Variants in HS3ST4 observed in about 807,000 individuals in gnomAD.
The protein encoded by HS3ST4 is heparan sulfate glucosamine 3-O-sulfotransferase 4.
A neutral mutation model predicts 29.2 loss-of-function variants in HS3ST4; 17 were observed. The observed-to-expected ratio is 0.58, with a 90% CI of 0.40 to 0.87. The LOEUF is 0.87. Ranked by LOEUF, HS3ST4 falls within the 40% of genes least tolerant of loss-of-function variation. The pLI, the probability that HS3ST4 is intolerant of heterozygous loss-of-function variation, is 0.00. For synonymous variants in HS3ST4, 314 were observed against 285.7 expected, an observed-to-expected ratio of 1.10 and a Z score of -1.00; for missense variants, 627 against 634.5, an observed-to-expected ratio of 0.99 and a Z score of 0.13.
intron 1 of HS3ST4, among the ~76,000 whole-genome samples, chr16:25,737,709 A>G (rs1204678884): frequency 6.6e-6 from 1 of 152,158 alleles, no homozygotes; most frequent in Non-Finnish European, 1.5e-5. Flanking sequence ...ATGTAACACA[A>G]CTGTACTTGT....
chr16:25,957,579 C>G (rs983542281), intron 1 of HS3ST4, among the ~76,000 whole-genome samples: 1 of 152,220 alleles, frequency 6.6e-6, no homozygotes, highest in East Asian at 1.9e-4. Flanking sequence ...CACCACTCAC[C>G]GCTAATTTTT....
intron 1 of HS3ST4, among the ~76,000 whole-genome samples, chr16:25,968,933 C>T (rs765585310): frequency 7.9e-5 from 12 of 152,164 alleles, no homozygotes; most frequent in Admixed American, 2.6e-4. Flanking sequence ...AATTCTCCTG[C>T]GTCAACCTCC....
chr16:25,773,672 A>T (rs1439654154), intron 1 of HS3ST4, among the ~76,000 whole-genome samples: 1 of 152,216 alleles, frequency 6.6e-6, no homozygotes, highest in African/African-American at 2.4e-5. Context: ...CAGTAGCTTT[A>T]GGGATAAAAG....
intron 1 of HS3ST4, among the ~76,000 whole-genome samples, chr16:25,975,245 A>G (rs923999827): frequency 6.6e-6 from 1 of 151,348 alleles, no homozygotes; most frequent in Non-Finnish European, 1.5e-5. Flanking sequence ...AACATTGGGT[A>G]TACATGGACA....
At chr16:26,068,576 C>T (rs555402686) in intron 1 of HS3ST4, among the ~76,000 whole-genome samples, 4 of 152,230 alleles carry the variant, frequency 2.6e-5, no homozygotes, top group African/African-American at 7.2e-5. Flanking sequence ...TAAACTTCCC[C>T]TCTCCATTCA....
At chr16:25,700,992 A>G (rs1369959459) in intron 1 of HS3ST4, among the ~76,000 whole-genome samples, 3 of 152,244 alleles carry the variant, frequency 2.0e-5, no homozygotes, top group Non-Finnish European at 2.9e-5. Flanking sequence ...ATTGTAAACA[A>G]CAAAAGACAT....
intron 1 of HS3ST4, among the ~76,000 whole-genome samples, chr16:26,042,324 A>G (rs562842684): frequency 3.9e-5 from 6 of 152,000 alleles, no homozygotes; most frequent in Middle Eastern, 3.2e-3. Context: ...TTAACCACCT[A>G]CATAATAAAA....
intron 1 of HS3ST4, among the ~76,000 whole-genome samples, chr16:26,000,126 G>A (rs565701164): frequency 1.2e-3 from 187 of 151,862 alleles, no homozygotes; most frequent in African/African-American, 4.2e-3. Flanking sequence ...CTTGCAATTT[G>A]TGATACGTAG....
intron 1 of HS3ST4, among the ~76,000 whole-genome samples, chr16:25,880,902 T>C (rs1351200683): frequency 6.6e-6 from 1 of 152,190 alleles, no homozygotes; most frequent in Non-Finnish European, 1.5e-5. Flanking sequence ...TCAGTGGTTT[T>C]GTGGGAGGAT....
At chr16:25,989,254 C>T (rs1293681528) in intron 1 of HS3ST4, among the ~76,000 whole-genome samples, 3 of 152,160 alleles carry the variant, frequency 2.0e-5, no homozygotes, top group Non-Finnish European at 2.9e-5. Context: ...ATGGAGAAAC[C>T]TTTAAAATAC....
At chr16:25,754,633 A>T (rs1471516077) in intron 1 of HS3ST4, among the ~76,000 whole-genome samples, 1 of 152,168 alleles carries the variant, frequency 6.6e-6, no homozygotes, top group Non-Finnish European at 1.5e-5. Flanking sequence ...GCACTTCTTC[A>T]TAGGGTGGCA....
intron 1 of HS3ST4, among the ~76,000 whole-genome samples, chr16:25,950,256 C>T (rs909169783): frequency 1.3e-5 from 2 of 152,192 alleles, no homozygotes; most frequent in Middle Eastern, 3.4e-3. Context: ...GGGTCTTCAT[C>T]TGCCTTCTTT....
At chr16:25,733,690 C>G (rs567368427) in intron 1 of HS3ST4, among the ~76,000 whole-genome samples, 4 of 151,916 alleles carry the variant, frequency 2.6e-5, no homozygotes, top group Non-Finnish European at 1.5e-5. Context: ...ATCTGGGGGG[C>G]GGGGGGAAAC....
At position 25,828,242 on chromosome 16, in the gene HS3ST4, C is replaced by CTTTTTCTT. The variant is rs1371928058; in HGVS notation, c.734+135092_734+135093insTTTTCTTT. The stretch of plus-strand genomic sequence containing the variant: ...CTTTCCTTTCTTTCTTTCTTTCTTT[C>CTTTTTCTT]TCTTTCTTTCTTTCTTTCTTTCTTT... On this transcript the variant is annotated intron_variant, in intron 1 of 1. Coordinates refer to ENST00000331351, the MANE Select transcript of HS3ST4 (RefSeq NM_006040.3). Among the ~76,000 whole-genome samples the CTTTTTCTT allele has an allele frequency of 1.5e-3, 111 of 75,026 alleles. 1 individual carries two copies. Among genetic ancestry groups the CTTTTTCTT allele is most frequent in the East Asian group, 0.012 (33 of 2,682 alleles). The allele number at this position is 75,026 out of a possible 152,430, so 49.2% of individuals were successfully genotyped here.
At chr16:25,883,195 A>C (rs1967912660) in intron 1 of HS3ST4, among the ~76,000 whole-genome samples, 1 of 149,544 alleles carries the variant, frequency 6.7e-6, no homozygotes, top group Non-Finnish European at 1.5e-5. Flanking sequence ...CTCACAGATC[A>C]ATGAGCATAT....
chr16:25,986,310 G>A (rs1364575757), intron 1 of HS3ST4, among the ~76,000 whole-genome samples: 3 of 152,186 alleles, frequency 2.0e-5, no homozygotes, highest in African/African-American at 7.2e-5. Flanking sequence ...CCTTATGGAT[G>A]GATTAATCAA....
At chr16:25,890,974 C>T (rs1374115407) in intron 1 of HS3ST4, among the ~76,000 whole-genome samples, 1 of 152,130 alleles carries the variant, frequency 6.6e-6, no homozygotes, top group African/African-American at 2.4e-5. Context: ...AGACAGGTAA[C>T]TGAGATCTAT....
chr16:26,119,193 G>A (rs1177902277), intron 1 of HS3ST4, among the ~76,000 whole-genome samples: 1 of 152,166 alleles, frequency 6.6e-6, no homozygotes, highest in Non-Finnish European at 1.5e-5. Flanking sequence ...TAGCCACTAT[G>A]CATTTCCTAC....
At chr16:26,022,221 G>A (rs990022232) in intron 1 of HS3ST4, among the ~76,000 whole-genome samples, 2 of 151,878 alleles carry the variant, frequency 1.3e-5, no homozygotes, top group African/African-American at 4.8e-5. Flanking sequence ...CTCCTGCCTC[G>A]TCCTCCCAAA....
Sources: allele counts gnomAD v4.1 joint callset (sites outside exome capture counted in the v4.1 genomes callset), GRCh38; gene constraint gnomAD v4.1.1; transcripts MANE v1.5; gene names NCBI Gene and HGNC (gene_info 2026-07-23, HGNC 2026-07-21).